The following C13orf46 variants were observed in gnomAD, a reference collection of about 807,000 sequenced individuals.
The protein encoded by C13orf46 is chromosome 13 open reading frame 46, also known as uncharacterized protein C13orf46.
At chr13:113,930,097 C>T in the C13orf46 span, among the ~76,000 whole-genome samples, 1 of 152,258 alleles carries the variant, frequency 6.6e-6, no homozygotes. Flanking sequence ...CAGCACTGGG[C>T]TGTGGCCATG....
the C13orf46 span, among the ~76,000 whole-genome samples, chr13:113,935,322 G>A: frequency 2.0e-5 from 3 of 152,248 alleles, no homozygotes; most frequent in Non-Finnish European, 4.4e-5. Context: ...CAGAGGTTAG[G>A]GGCCCCTGGC....
At chr13:113,967,545 G>A (rs1430475824) in intron 4 of C13orf46, among the ~76,000 whole-genome samples, 157 bp from the exon 5 acceptor site, 2 of 152,146 alleles carry the variant, frequency 1.3e-5, no homozygotes, top group Non-Finnish European at 2.9e-5. Context: ...AATGCTGAAC[G>A]AGGGCTCCTG....
the C13orf46 span, among the ~76,000 whole-genome samples, chr13:113,945,523 G>A: frequency 1.3e-5 from 2 of 149,582 alleles, no homozygotes; most frequent in African/African-American, 5.0e-5. Flanking sequence ...CAGCCTGGGC[G>A]ACAGAGCGAG....
At chr13:113,953,001 C>T (rs952960259), downstream of C13orf46, among the ~76,000 whole-genome samples, 6 of 152,224 alleles carry the variant, frequency 3.9e-5, no homozygotes, top group Non-Finnish European at 5.9e-5. Flanking sequence ...TCCCCACAGT[C>T]TCCAAAGCCC....
rs1315204200 is a variant in C13orf46 at position 113,955,757 on chromosome 13, G to C, written c.*1016C>G. On this transcript the variant is annotated 3_prime_UTR_variant, in exon 7 of 7. Coordinates refer to ENST00000636427, the MANE Select transcript of C13orf46 (RefSeq NM_001365455.2). ...AGGAGTAGTGTCTGGCAGAGAGGAG[G>C]AGCATCCGGCGGAGACGAGGAGCAG... The C allele has an allele frequency of 6.3e-6, 1 of 158,894 alleles. No individual in the cohort carries two copies. The highest frequency in any genetic ancestry group is 1.3e-5 in the Non-Finnish European group (1 of 75,216). 9.8% of individuals were successfully genotyped at this position (158,894 alleles called of 1,614,324 possible). A position where few individuals can be genotyped will look rare whatever the true frequency, so the allele number is the denominator to read the frequency against.
chr13:113,969,773 C>T (rs1258448947), intron 2 of C13orf46, among the ~76,000 whole-genome samples: 2 of 152,164 alleles, frequency 1.3e-5, no homozygotes, highest in African/African-American at 2.4e-5. Context: ...CAGGGCCCCA[C>T]GCCCTCTCCC....
the C13orf46 span, among the ~76,000 whole-genome samples, chr13:113,938,219 C>T: frequency 1.3e-5 from 2 of 152,182 alleles, no homozygotes; most frequent in Non-Finnish European, 2.9e-5. Flanking sequence ...GATAAAAGTG[C>T]TTTTCTTTTC....
intron 5 of C13orf46, among the ~76,000 whole-genome samples, chr13:113,965,677 ATGG>A (rs1168876178): frequency 0.13 from 20,401 of 151,242 alleles, 1,725 homozygotes; most frequent in Middle Eastern, 0.2. Flanking sequence ...TATAATGGTG[ATGG>A]TGATGATGAT....
rs1424417018 is a variant in C13orf46 at position 113,955,833 on chromosome 13, C to T, written c.*940G>A. ...GGAGACGAGGAGCAGCCGGTGGAGA[C>T]GAGGAGCATCTCGAGGAGAGGAGGA... On this transcript the variant is annotated 3_prime_UTR_variant, in exon 7 of 7. Transcript: ENST00000636427. 4.6e-5 allele frequency: 6 copies of T among 130,922 alleles called. No individual in the cohort carries two copies. The highest frequency in any genetic ancestry group is 4.7e-5 in the Non-Finnish European group (3 of 63,260). The allele number at this position is 130,922 out of a possible 1,614,324, so 8.1% of individuals were successfully genotyped here.
chr13:113,927,585 A>G, the C13orf46 span: 3 of 398,620 alleles, frequency 7.5e-6, no homozygotes, highest in Admixed American at 4.4e-5. Context: ...GACCGTCTAC[A>G]CAGGGATCCT....
the C13orf46 span, among the ~76,000 whole-genome samples, chr13:113,941,367 G>A: frequency 6.4e-5 from 1 of 15,516 alleles, no homozygotes; most frequent in Non-Finnish European, 1.3e-4. Flanking sequence ...GAGGCTGAGC[G>A]TTCGAGACCC....
chr13:113,964,205 A>T (rs2052615420), intron 6 of C13orf46, among the ~76,000 whole-genome samples: 2 of 152,240 alleles, frequency 1.3e-5, no homozygotes, highest in African/African-American at 4.8e-5. Context: ...ATCTGTAAGA[A>T]ATCAAAATAC....
chr13:113,966,120 ATGG>A (rs2052643257), intron 5 of C13orf46, among the ~76,000 whole-genome samples: 1 of 138,200 alleles, frequency 7.2e-6, no homozygotes, highest in Non-Finnish European at 1.5e-5. Flanking sequence ...GATGGTGATG[ATGG>A]TGATTATAAT....
At chr13:113,929,822 T>C in the C13orf46 span, among the ~76,000 whole-genome samples, 1 of 152,236 alleles carries the variant, frequency 6.6e-6, no homozygotes, top group African/African-American at 2.4e-5. Context: ...CTGCCATACC[T>C]GTGATTGCCA....
In C13orf46 at chr13:113,956,318, G is replaced by A. The variant is rs1364761445; in HGVS notation, c.*455C>T. The A allele has an allele frequency of 1.4e-5, 2 of 144,384 alleles. No homozygotes were observed. The highest frequency in any genetic ancestry group is 1.4e-4 in the Admixed American group (2 of 13,864). The allele number at this position is 144,384 out of a possible 1,614,324, so 8.9% of individuals were successfully genotyped here. ...GAGACGAGGAGCATCTGGTGGAGAG[G>A]AGGAGTAGTATCTGGTGGAGAGGAG... On this transcript the variant is annotated 3_prime_UTR_variant, in exon 7 of 7. Coordinates refer to ENST00000636427, the MANE Select transcript of C13orf46 (RefSeq NM_001365455.2).
chr13:113,954,829 G>A lies in C13orf46; in HGVS notation c.*1944C>T. 1.0e-5 allele frequency: 1 copy of A among 99,578 alleles called. No homozygotes were observed. Among genetic ancestry groups the A allele is most frequent in the South Asian group, 1.4e-4 (1 of 7,362 alleles). 6.2% of individuals were successfully genotyped at this position (99,578 alleles called of 1,614,324 possible). A position where few individuals can be genotyped will look rare whatever the true frequency, so the allele number is the denominator to read the frequency against. ...GTGGAGACGAGGAGCATCCGGTGGA[G>A]ATGAGGAGCATCCGGTGGAGATGAG... is the stretch of plus-strand genomic sequence containing the variant. On this transcript the variant is annotated 3_prime_UTR_variant, in exon 7 of 7. Coordinates refer to ENST00000636427, the MANE Select transcript of C13orf46 (RefSeq NM_001365455.2).
intron 6 of C13orf46, among the ~76,000 whole-genome samples, chr13:113,959,053 G>A (rs2052565841): frequency 6.6e-6 from 1 of 152,130 alleles, no homozygotes; most frequent in East Asian, 1.9e-4. Context: ...GAGGCAGGTG[G>A]ATCACTTGAG....
At chr13:113,949,033 C>G (rs956950404), downstream of C13orf46, among the ~76,000 whole-genome samples, 6 of 152,192 alleles carry the variant, frequency 3.9e-5, no homozygotes, top group Admixed American at 2.0e-4. Flanking sequence ...TTCCAGCCCC[C>G]CTCACCGCCC....
chr13:113,938,271 G>A, the C13orf46 span, among the ~76,000 whole-genome samples: 47 of 152,300 alleles, frequency 3.1e-4, 1 homozygote, highest in African/African-American at 1.1e-3. Flanking sequence ...TGCTTTAACA[G>A]ATTACCACAA....
Sources: allele counts gnomAD v4.1 joint callset (sites outside exome capture counted in the v4.1 genomes callset), GRCh38; gene constraint gnomAD v4.1.1; transcripts MANE v1.5; gene names NCBI Gene and HGNC (gene_info 2026-07-23, HGNC 2026-07-21).